SPEN: variants seen among roughly 807,000 people sequenced by gnomAD.
The protein encoded by SPEN is spen family transcriptional repressor.
Under a neutral mutation model 269.9 loss-of-function variants are expected in SPEN, and 18 were observed. The ratio of observed to expected loss-of-function variants is 0.07; its 90% CI spans 0.05 to 0.10. The LOEUF is 0.10. Among genes scored for constraint, SPEN ranks in the 10% least tolerant of loss-of-function variants. SPEN has a pLI of 1.00. For missense variants in SPEN, 3,822 were observed against 4,631.2 expected (o/e 0.83, Z 5.07); for synonymous variants, 1,726 against 1,765.7 (o/e 0.98, Z 0.56).
intron 3 of SPEN, among the ~76,000 whole-genome samples, chr1:15,887,483 A>G (rs917132319): frequency 4.0e-5 from 6 of 148,386 alleles, no homozygotes; most frequent in Non-Finnish European, 7.4e-5. Flanking sequence ...GGGTTTCACC[A>G]TGTTAGCCAG....
At chr1:15,872,778 T>C (rs919431594) in intron 1 of SPEN, 38 bp from the exon 2 acceptor site, 30 of 1,450,414 alleles carry the variant, frequency 2.1e-5, no homozygotes, top group Non-Finnish European at 2.3e-5. Flanking sequence ...TGGAAAATTA[T>C]TGATATGCAG....
intron 3 of SPEN, among the ~76,000 whole-genome samples, chr1:15,902,482 G>T (rs1013646634): frequency 6.6e-6 from 1 of 152,028 alleles, no homozygotes; most frequent in African/African-American, 2.4e-5. Flanking sequence ...ATGAGATGTG[G>T]AAGTATTATT....
chr1:15,870,273 C>A (rs1356154725), intron 1 of SPEN, among the ~76,000 whole-genome samples: 1 of 152,146 alleles, frequency 6.6e-6, no homozygotes, highest in Non-Finnish European at 1.5e-5. Flanking sequence ...AAAATGTGAT[C>A]TTTTGGAAGT....
intron 10 of SPEN, among the ~76,000 whole-genome samples, chr1:15,926,694 CT>C (rs201031337): frequency 0.11 from 15,340 of 133,724 alleles, 997 homozygotes; most frequent in Admixed American, 0.24. Context: ...TTCTAGTGTT[CT>C]TTTTTTTTTT....
chr1:15,887,842 T>C (rs942296523), intron 3 of SPEN, among the ~76,000 whole-genome samples: 81 of 149,668 alleles, frequency 5.4e-4, no homozygotes, highest in African/African-American at 1.8e-3. Context: ...GCCAACATGG[T>C]GAAACCAGTC....
chr1:15,850,009 G>A (rs754646561), intron 1 of SPEN, among the ~76,000 whole-genome samples: 85 of 152,196 alleles, frequency 5.6e-4, no homozygotes, highest in Non-Finnish European at 9.7e-4. Flanking sequence ...ATGGCTGGGA[G>A]TTTGGCCCCT....
At chr1:15,869,027 A>T (rs2070545990) in intron 1 of SPEN, among the ~76,000 whole-genome samples, 1 of 152,162 alleles carries the variant, frequency 6.6e-6, no homozygotes, top group South Asian at 2.1e-4. Context: ...TATGTTGATG[A>T]CAAGTAACAG....
chr1:15,925,074 C>CT, intron 10 of SPEN, among the ~76,000 whole-genome samples: 1 of 152,318 alleles, frequency 6.6e-6, no homozygotes, highest in African/African-American at 2.4e-5. Context: ...AATGACAACT[C>CT]TATTTGCACA....
intron 3 of SPEN, 100 bp downstream of exon 3, chr1:15,876,778 A>G (rs1374009627): frequency 1.1e-6 from 1 of 907,420 alleles, no homozygotes; most frequent in African/African-American, 1.7e-5. Context: ...TTTTAAAGTA[A>G]TCTTGGATCA....
intron 1 of SPEN, among the ~76,000 whole-genome samples, chr1:15,856,129 A>G (rs2070384556): frequency 6.7e-6 from 1 of 150,158 alleles, no homozygotes; most frequent in Non-Finnish European, 1.5e-5. Flanking sequence ...AGCTGGGATT[A>G]CAGGCACCTG....
chr1:15,867,682 C>G (rs2070528343), intron 1 of SPEN, among the ~76,000 whole-genome samples: 1 of 148,954 alleles, frequency 6.7e-6, no homozygotes, highest in Non-Finnish European at 1.5e-5. Flanking sequence ...GTTCAGATTT[C>G]TCTTCATCCT....
intron 9 of SPEN, among the ~76,000 whole-genome samples, chr1:15,921,709 C>G (rs981464845): frequency 3.9e-5 from 6 of 152,076 alleles, no homozygotes; most frequent in African/African-American, 1.4e-4. Context: ...AACTTTATGT[C>G]CAGTGTATGT....
intron 1 of SPEN, among the ~76,000 whole-genome samples, chr1:15,863,105 TTG>T (rs1557735497): frequency 6.6e-6 from 1 of 152,042 alleles, no homozygotes; most frequent in African/African-American, 2.4e-5. Context: ...TAAAAGGTAG[TTG>T]GGCATGGTGG....
At chr1:15,878,464 C>T (rs974585191) in intron 3 of SPEN, among the ~76,000 whole-genome samples, 5 of 152,130 alleles carry the variant, frequency 3.3e-5, no homozygotes, top group African/African-American at 7.2e-5. Context: ...ATGAAAGTTA[C>T]GTTCTATGCC....
Position 15,932,546 on chromosome 1 carries a change from C to A in SPEN, c.6306C>A (p.Pro2102=), listed in dbSNP as rs748753231. 6.3e-7 allele frequency: 1 copy of A among 1,599,932 alleles called. No individual in the cohort carries two copies. The highest frequency in any genetic ancestry group is 2.2e-5 in the East Asian group (1 of 44,688). Residue 2102 remains proline, a synonymous_variant, in exon 11 of 15, where the codon CCC becomes CCA. Coordinates refer to ENST00000375759, the MANE Select transcript of SPEN (RefSeq NM_015001.3). The surrounding 1 kb of genome is among the most constrained non-coding windows in gnomAD (Gnocchi z 4.2). The stretch of plus-strand genomic sequence containing the variant: ...AAAATGTGGATGCTGCTGTCAGTCC[C>A]AGGGGGGCTGCAGCACAGGCAGGGG... The part of the protein sequence containing the change: ...SLKNVDAAVS[P]RGAAAQAGER...
rs759904645 is a variant in SPEN at position 15,933,651 on chromosome 1, A to T, written c.7411A>T (p.Thr2471Ser). Residue 2471 changes from threonine to serine, a missense_variant, in exon 11 of 15, where the codon ACA (threonine) becomes TCA (serine). Thr to Ser is a moderately conservative substitution (Grantham distance 58). This residue lies in a region of SPEN where 727 missense variants were observed against 737.9 expected (regional missense o/e 0.99). Transcript: ENST00000375759. The surrounding 1 kb of genome is among the most constrained non-coding windows in gnomAD (Gnocchi z 5.7). ...CAGCGATCCAAGCATCCCCATACCC[A>T]CACTGCCTTCTGTAACTGCAGCAAA... ...PPSDPSIPIP[T>S]LPSVTAAKLS... The T allele has an allele frequency of 2.5e-6, 4 of 1,613,966 alleles. No homozygotes were observed. The Admixed American group carries it at 6.7e-5, about 27-fold the overall frequency.
rs796630440 is a variant in SPEN at position 15,864,475 on chromosome 1, T to G, written c.84-8341T>G. Among the ~76,000 whole-genome samples the G allele has an allele frequency of 7.9e-5, 11 of 138,824 alleles. No homozygotes were observed. The East Asian group carries it at 1.2e-3, about 15-fold the overall frequency. 91.1% of individuals were successfully genotyped at this position (138,824 alleles called of 152,430 possible). A position where few individuals can be genotyped will look rare whatever the true frequency, so the allele number is the denominator to read the frequency against. On this transcript the variant is annotated intron_variant, in intron 1 of 14. Transcript: ENST00000375759. The stretch of plus-strand genomic sequence containing the variant: ...GTGAGCCTCTGTGCCGGCCGGTTTT[T>G]TTTTTTTTTTTTTTAATATTGTAAG...
At chr1:15,873,625 C>T (rs959889957) in intron 2 of SPEN, 4 of 994,202 alleles carry the variant, frequency 4.0e-6, no homozygotes, top group Non-Finnish European at 4.8e-6. Context: ...TCTGGCAGAC[C>T]ATAATGATTC....
In SPEN at chr1:15,876,543, A is replaced by C. The variant is rs2070632436; in HGVS notation, c.746A>C (p.Gln249Pro). ...AGGAGTCGGTCACCACATTCATCCC[A>C]GTCTAGAAATCAGTCTCCTCAGAGA... ...HSRSRSPHSS[Q>P]SRNQSPQRLA... Residue 249 changes from glutamine to proline, a missense_variant, in exon 3 of 15, where the codon CAG becomes CCG. Transcript: ENST00000375759. 2 of 1,614,042 alleles carry C rather than the reference A, an allele frequency of 1.2e-6. No homozygotes were observed. The highest frequency in any genetic ancestry group is 1.3e-5 in the African/African-American group (1 of 74,914).
Sources: allele counts gnomAD v4.1 joint callset (sites outside exome capture counted in the v4.1 genomes callset), GRCh38; gene constraint gnomAD v4.1.1; regional missense constraint gnomAD v4.1.1; non-coding constraint Gnocchi (gnomAD v3.1); transcripts MANE v1.5; gene names NCBI Gene and HGNC (gene_info 2026-07-23, HGNC 2026-07-21).